CNTLN: variants seen among roughly 807,000 people sequenced by gnomAD.
CNTLN encodes the protein centlein, centrosomal protein.
A neutral mutation model predicts 180.0 loss-of-function variants in CNTLN; 212 were observed. That is an observed-to-expected ratio of 1.18 (90% CI 1.05 to 1.32). CNTLN has a LOEUF of 1.32. Ranked by LOEUF, CNTLN falls within the 40% of genes most tolerant of loss-of-function variation. The pLI is 0.00. For missense variants in CNTLN, 2,095 were observed against 1,610.9 expected (o/e 1.30, Z -5.14); for synonymous variants, 722 against 563.1 (o/e 1.28, Z -3.99).
In CNTLN at chr9:17,394,662, A is replaced by G; in HGVS notation, c.2208A>G (p.Thr736=). 1 of 1,612,958 alleles carries G rather than the reference A, an allele frequency of 6.2e-7. No homozygotes were observed. The highest frequency in any genetic ancestry group is 8.5e-7 in the Non-Finnish European group (1 of 1,179,446). The change falls in exon 15 of 26, where the codon ACA becomes ACG. Residue 736 remains threonine, a synonymous_variant. Transcript: ENST00000380647. ...TCTTAAAACAGCAACAAGAAGATAC[A>G]GAGACCAGAGAAAAAGAGCTAGAAC... is the stretch of plus-strand genomic sequence containing the variant. The part of the protein sequence containing the change: ...KSLLKQQQED[T]ETREKELEQI...
chr9:17,383,477 G>T (rs1007015466), intron 13 of CNTLN, among the ~76,000 whole-genome samples: 3 of 151,668 alleles, frequency 2.0e-5, no homozygotes, highest in Admixed American at 2.0e-4. Context: ...TCACGCCACT[G>T]CATTCCAGCC....
the CNTLN span, among the ~76,000 whole-genome samples, chr9:17,514,956 C>T: frequency 5.3e-5 from 8 of 152,130 alleles, no homozygotes; most frequent in South Asian, 1.7e-3. Context: ...GAAAAGAAAA[C>T]TAGAAGGAAC....
At chr9:17,217,469 T>G (rs935290145) in intron 2 of CNTLN, among the ~76,000 whole-genome samples, 1 of 152,210 alleles carries the variant, frequency 6.6e-6, no homozygotes, top group Non-Finnish European at 1.5e-5. Flanking sequence ...TCAGCTGGTG[T>G]TGTACCAACT....
chr9:17,228,519 C>A (rs1824617347), intron 3 of CNTLN, among the ~76,000 whole-genome samples: 1 of 151,988 alleles, frequency 6.6e-6, no homozygotes, highest in African/African-American at 2.4e-5. Context: ...GTAGAATATT[C>A]AGAGTTACAT....
At chr9:17,220,309 C>T (rs1259666606) in intron 2 of CNTLN, among the ~76,000 whole-genome samples, 1 of 151,668 alleles carries the variant, frequency 6.6e-6, no homozygotes, top group South Asian at 2.1e-4. Context: ...TAGTATTATC[C>T]GTATCTCATT....
chr9:17,340,455 T>G (rs1821388995), intron 10 of CNTLN, among the ~76,000 whole-genome samples: 1 of 152,196 alleles, frequency 6.6e-6, no homozygotes, highest in South Asian at 2.1e-4. Flanking sequence ...TATTTGCACT[T>G]TAATAAAATA....
At chr9:17,408,417 C>T (rs888916093) in intron 15 of CNTLN, among the ~76,000 whole-genome samples, 8 of 151,992 alleles carry the variant, frequency 5.3e-5, no homozygotes, top group African/African-American at 1.9e-4. Context: ...TGTTTCCTGT[C>T]CCTCTACCCT....
chr9:17,181,807 C>T (rs1432070901), intron 2 of CNTLN, among the ~76,000 whole-genome samples: 1 of 152,146 alleles, frequency 6.6e-6, no homozygotes, highest in Non-Finnish European at 1.5e-5. Context: ...GGTGTATTCT[C>T]ACCCTTTATT....
At chr9:17,313,850 G>A (rs1323622768) in intron 8 of CNTLN, among the ~76,000 whole-genome samples, 1 of 152,018 alleles carries the variant, frequency 6.6e-6, no homozygotes. Context: ...AGGCTGGAGT[G>A]CAGTGGCATG....
intron 12 of CNTLN, among the ~76,000 whole-genome samples, chr9:17,361,183 A>G (rs529672655): frequency 2.0e-5 from 3 of 152,066 alleles, no homozygotes; most frequent in Admixed American, 1.3e-4. Flanking sequence ...TTAGCATTAG[A>G]TATATCTCCT....
chr9:17,327,381 T>C lies in CNTLN; in HGVS notation c.1342-3251T>C, dbSNP rs1344733409. Among the ~76,000 whole-genome samples the C allele has an allele frequency of 2.0e-5, 3 of 151,848 alleles. No homozygotes were observed. In the East Asian group the frequency reaches 5.9e-4, roughly 30 times the overall value. On this transcript the variant is annotated intron_variant, in intron 8 of 25. Transcript: ENST00000380647. ...GCGTCTGCCACAGTGAGACGGGGTT[T>C]CACCGTGTTAGCCAGGATGGTCTCG...
At position 17,469,515 on chromosome 9, in the gene CNTLN, G is replaced by A. The variant is rs1213727037; in HGVS notation, c.3855+2624G>A. 2.0e-5 allele frequency among the ~76,000 whole-genome samples: 3 copies of A among 151,766 alleles called. No individual in the cohort carries two copies. The East Asian group carries it at 5.8e-4, about 29-fold the overall frequency. On this transcript the variant is annotated intron_variant, in intron 23 of 25. Coordinates refer to ENST00000380647, the MANE Select transcript of CNTLN (RefSeq NM_017738.4). ...GCACATATGGCCCTAGGTCTAGGCA[G>A]AAATGCTTAGGACCCACCATCTGAA...
intron 12 of CNTLN, among the ~76,000 whole-genome samples, chr9:17,357,177 G>A (rs1822915134): frequency 6.6e-6 from 1 of 151,962 alleles, no homozygotes; most frequent in Non-Finnish European, 1.5e-5. Flanking sequence ...TGAACCATGT[G>A]CCAGAAGTTC....
At chr9:17,361,697 A>C (rs898636560) in intron 12 of CNTLN, among the ~76,000 whole-genome samples, 8 of 152,254 alleles carry the variant, frequency 5.3e-5, no homozygotes, top group African/African-American at 1.7e-4. Context: ...TGAGACTGTC[A>C]TGTTCTTCTT....
the CNTLN span, among the ~76,000 whole-genome samples, chr9:17,524,352 A>G: frequency 6.6e-6 from 1 of 152,238 alleles, no homozygotes; most frequent in Non-Finnish European, 1.5e-5. Flanking sequence ...GTCTAAAGGC[A>G]GGAGAAGACT....
chr9:17,327,614 G>A (rs1203330289), intron 8 of CNTLN, among the ~76,000 whole-genome samples: 1 of 150,508 alleles, frequency 6.6e-6, no homozygotes, highest in Admixed American at 6.6e-5. Context: ...TTTTTACATT[G>A]AACTCATAGT....
intron 5 of CNTLN, among the ~76,000 whole-genome samples, chr9:17,273,493 A>C (rs1410987886): frequency 6.6e-6 from 1 of 152,098 alleles, no homozygotes; most frequent in African/African-American, 2.4e-5. Context: ...CATATCTTCT[A>C]GTTTATTTGC....
At chr9:17,417,468 T>G (rs570573496) in intron 18 of CNTLN, among the ~76,000 whole-genome samples, 1 of 151,986 alleles carries the variant, frequency 6.6e-6, no homozygotes, top group African/African-American at 2.4e-5. Context: ...AAAGAAAAAA[T>G]TCTCAACTTT....
In CNTLN at chr9:17,334,028, G is replaced by A. The variant is rs73424104; in HGVS notation, c.1644+1298G>A. Among the ~76,000 whole-genome samples the A allele has an allele frequency of 8.0e-3, 1,223 of 152,162 alleles. 18 individuals carry two copies. The highest frequency in any genetic ancestry group is 0.028 in the African/African-American group (1,158 of 41,512). On this transcript the variant is annotated intron_variant, in intron 10 of 25. Coordinates refer to ENST00000380647, the MANE Select transcript of CNTLN (RefSeq NM_017738.4). ...ACAGGATATTATGGGCATTTTTGAG[G>A]AGCAAGTCTATCATCTTCCTCCTTT...
Sources: allele counts gnomAD v4.1 joint callset (sites outside exome capture counted in the v4.1 genomes callset), GRCh38; gene constraint gnomAD v4.1.1; transcripts MANE v1.5; gene names NCBI Gene and HGNC (gene_info 2026-07-23, HGNC 2026-07-21).